The following ATXN7L1 variants were observed in gnomAD, a reference collection of about 807,000 sequenced individuals.
ATXN7L1 encodes ataxin-7-like protein 1.
ATXN7L1 carries 15 observed loss-of-function variants against 70.8 expected under a neutral mutation model. The ratio of observed to expected loss-of-function variants is 0.21; its 90% CI spans 0.14 to 0.33. The LOEUF is 0.33. ATXN7L1 is among the 10% of genes least tolerant of loss of function. ATXN7L1 has a pLI of 1.00. For missense variants in ATXN7L1, 975 were observed against 1,097.1 expected, an observed-to-expected ratio of 0.89 and a Z score of 1.57; for synonymous variants, 440 against 445.1, an observed-to-expected ratio of 0.99 and a Z score of 0.14.
intron 3 of ATXN7L1, among the ~76,000 whole-genome samples, chr7:105,775,610 T>C (rs140885924): frequency 5.6e-4 from 85 of 152,296 alleles, no homozygotes; most frequent in South Asian, 1.7e-3. Context: ...GCGAAAATCC[T>C]GTAGGACAAA....
intron 3 of ATXN7L1, among the ~76,000 whole-genome samples, chr7:105,717,786 G>A (rs900863839): frequency 6.6e-6 from 1 of 152,082 alleles, no homozygotes; most frequent in Non-Finnish European, 1.5e-5. Context: ...TGTAACTTTT[G>A]TTCTTAACTG....
chr7:105,754,183 A>G (rs1250654690), intron 3 of ATXN7L1, among the ~76,000 whole-genome samples: 1 of 152,154 alleles, frequency 6.6e-6, no homozygotes, highest in Non-Finnish European at 1.5e-5. Context: ...TGTTGAGGAT[A>G]GGCAGGCACA....
intron 1 of ATXN7L1, 64 bp downstream of exon 1, chr7:105,876,314 T>C: frequency 6.7e-7 from 1 of 1,484,254 alleles, no homozygotes; most frequent in East Asian, 2.5e-5. Context: ...TTTTTCCCAG[T>C]GGCTCTAGGT....
At chr7:105,619,531 T>TATATAA (rs1363646399) in intron 9 of ATXN7L1, among the ~76,000 whole-genome samples, 2 of 4,816 alleles carry the variant, frequency 4.2e-4, no homozygotes, top group African/African-American at 1.3e-3. Context: ...TATATATATA[T>TATATAA]TTTTTTTTTT....
intron 2 of ATXN7L1, among the ~76,000 whole-genome samples, chr7:105,871,315 C>G (rs963275526): frequency 2.0e-5 from 3 of 152,158 alleles, no homozygotes; most frequent in Non-Finnish European, 4.4e-5. Flanking sequence ...AAAGTGCTAT[C>G]CTGCTCCTTC....
chr7:105,805,384 C>G (rs1807420135), intron 2 of ATXN7L1, among the ~76,000 whole-genome samples: 1 of 152,204 alleles, frequency 6.6e-6, no homozygotes, highest in South Asian at 2.1e-4. Context: ...GGGCTGGCAG[C>G]TAGTGGCACT....
At chr7:105,752,484 T>C (rs976716473) in intron 3 of ATXN7L1, among the ~76,000 whole-genome samples, 1 of 152,200 alleles carries the variant, frequency 6.6e-6, no homozygotes, top group Non-Finnish European at 1.5e-5. Context: ...TAGTTCACCC[T>C]AGTCTAGGAT....
intron 3 of ATXN7L1, among the ~76,000 whole-genome samples, chr7:105,765,324 A>AG (rs2116423479): frequency 6.6e-6 from 1 of 151,956 alleles, no homozygotes; most frequent in Admixed American, 6.6e-5. Context: ...AGAAAAAAAA[A>AG]AAAAACCCTC....
chr7:105,698,567 C>G (rs1792037036), intron 3 of ATXN7L1, among the ~76,000 whole-genome samples: 1 of 152,072 alleles, frequency 6.6e-6, no homozygotes. Flanking sequence ...TTTTGCCATG[C>G]CGCTCATGCT....
At chr7:105,811,382 A>G (rs1024710278) in intron 2 of ATXN7L1, among the ~76,000 whole-genome samples, 4 of 152,244 alleles carry the variant, frequency 2.6e-5, no homozygotes, top group African/African-American at 7.2e-5. Flanking sequence ...CAGCCCTGCC[A>G]GCACCTTGAC....
intron 11 of ATXN7L1, among the ~76,000 whole-genome samples, chr7:105,609,358 G>A (rs560897355): frequency 6.6e-6 from 1 of 152,166 alleles, no homozygotes; most frequent in Admixed American, 6.5e-5. Context: ...TAGTAGAGAC[G>A]GGGTTTCACC....
intron 2 of ATXN7L1, among the ~76,000 whole-genome samples, chr7:105,874,160 G>A: frequency 6.6e-6 from 1 of 151,406 alleles, no homozygotes; most frequent in Non-Finnish European, 1.5e-5. Context: ...TTTCTCATGA[G>A]GCAAAGAGAA....
intron 7 of ATXN7L1, among the ~76,000 whole-genome samples, chr7:105,633,725 C>T (rs1339330646): frequency 1.3e-5 from 2 of 151,936 alleles, no homozygotes; most frequent in Non-Finnish European, 2.9e-5. Context: ...TGTCTCAAAA[C>T]AACAATAACA....
intron 3 of ATXN7L1, among the ~76,000 whole-genome samples, chr7:105,684,944 T>G (rs933600663): frequency 6.6e-5 from 10 of 152,098 alleles, no homozygotes; most frequent in African/African-American, 2.4e-4. Flanking sequence ...ATGATAGGCC[T>G]CCTCTTACTG....
At chr7:105,776,777 CT>C (rs796366065) in intron 3 of ATXN7L1, among the ~76,000 whole-genome samples, 19 of 149,574 alleles carry the variant, frequency 1.3e-4, no homozygotes, top group Non-Finnish European at 1.6e-4. Flanking sequence ...ATCCCAGACA[CT>C]TTTTTTTTTG....
intron 3 of ATXN7L1, among the ~76,000 whole-genome samples, chr7:105,717,465 T>C (rs1794705219): frequency 6.6e-6 from 1 of 152,252 alleles, no homozygotes; most frequent in Non-Finnish European, 1.5e-5. Context: ...GGCTACTCTG[T>C]AGCCTATATT....
intron 3 of ATXN7L1, among the ~76,000 whole-genome samples, chr7:105,716,675 AC>A (rs1794590068): frequency 2.1e-5 from 1 of 48,518 alleles, no homozygotes; most frequent in Admixed American, 1.7e-4. Context: ...GCACACACAC[AC>A]ACACACACAC....
intron 2 of ATXN7L1, among the ~76,000 whole-genome samples, chr7:105,872,224 C>A (rs1818378270): frequency 6.6e-6 from 1 of 152,148 alleles, no homozygotes; most frequent in Admixed American, 6.5e-5. Flanking sequence ...GATCTCCTGA[C>A]CTCCTGATCC....
At chr7:105,617,860 G>A (rs774559484) in intron 9 of ATXN7L1, 6 of 450,196 alleles carry the variant, frequency 1.3e-5, no homozygotes, top group South Asian at 9.4e-5. Context: ...AGAAAAAAGA[G>A]TCTTGGCCGT....
Sources: allele counts gnomAD v4.1 joint callset (sites outside exome capture counted in the v4.1 genomes callset), GRCh38; gene constraint gnomAD v4.1.1; transcripts MANE v1.5; gene names NCBI Gene and HGNC (gene_info 2026-07-23, HGNC 2026-07-21).